Variants in PDZD2 observed in about 807,000 individuals in gnomAD.
PDZD2 encodes PDZ domain-containing protein 2.
Under a neutral mutation model 220.7 loss-of-function variants are expected in PDZD2, and 90 were observed. The ratio of observed to expected loss-of-function variants is 0.41; its 90% CI spans 0.34 to 0.49. The LOEUF (loss-of-function observed/expected upper bound fraction) is 0.49. Among genes scored for constraint, PDZD2 ranks in the 20% least tolerant of loss-of-function variants. The probability of loss-of-function intolerance (pLI) is 0.28; values close to 1 mark genes in which losing one functional copy is unlikely to be tolerated. For missense variants in PDZD2, 3,174 were observed against 3,608.5 expected (o/e 0.88, Z 3.08); for synonymous variants, 1,375 against 1,450.5 (o/e 0.95, Z 1.18).
Position 31,659,825 on chromosome 5 carries a change from C to T in PDZD2, c.-361+20388C>T, listed in dbSNP as rs575179273. Among the ~76,000 whole-genome samples the T allele has an allele frequency of 5.3e-5, 8 of 152,246 alleles. No individual in the cohort carries two copies. The South Asian group carries it at 6.2e-4, about 12-fold the overall frequency. ...GGAGGTTGTAAGTTTCCTTTTCCTGCGGCAGAGGTTGGAGGACCGATGTTA... is the reference window on the plus strand; with the variant it reads ...GGAGGTTGTAAGTTTCCTTTTCCTGTGGCAGAGGTTGGAGGACCGATGTTA... On this transcript the variant is annotated intron_variant, in intron 1 of 24. Transcript: ENST00000438447.
Position 32,089,304 on chromosome 5 carries a change from GT to G in PDZD2, c.5857del (p.Ser1953ProfsTer18). 6.2e-7 allele frequency: 1 copy of G among 1,614,018 alleles called. No homozygotes were observed. The highest frequency in any genetic ancestry group is 8.5e-7 in the Non-Finnish European group (1 of 1,179,980). ...ACAGAAACACCACAGCTGCCCCCAG[GT>G]CCCCCCAGTGTGTGCTGGAAAGCAA... ...PDRNTTAAPR[S>X]PQCVLESKPP... is the part of the protein sequence containing the mutation. On this transcript the variant is annotated frameshift_variant, in exon 20 of 25. Coordinates refer to ENST00000438447, the MANE Select transcript of PDZD2 (RefSeq NM_178140.4). LOFTEE classifies it high-confidence loss of function.
intron 14 of PDZD2, among the ~76,000 whole-genome samples, chr5:32,067,753 T>C (rs1459067918): frequency 6.6e-6 from 1 of 152,144 alleles, no homozygotes; most frequent in Non-Finnish European, 1.5e-5. Context: ...TATCAGGCTT[T>C]TTAAAAAAAT....
chr5:31,702,105 C>T (rs1189560073), intron 1 of PDZD2, among the ~76,000 whole-genome samples: 1 of 152,228 alleles, frequency 6.6e-6, no homozygotes, highest in African/African-American at 2.4e-5. Flanking sequence ...ACATCCCCAA[C>T]CCTGGCTCAT....
chr5:31,741,490 G>A (rs1737065680), intron 1 of PDZD2, among the ~76,000 whole-genome samples: 1 of 151,990 alleles, frequency 6.6e-6, no homozygotes, highest in Non-Finnish European at 1.5e-5. Flanking sequence ...GTTCTAGTCT[G>A]TGCAATAAAC....
chr5:31,883,360 A>G (rs535137572), intron 2 of PDZD2, among the ~76,000 whole-genome samples: 2 of 150,502 alleles, frequency 1.3e-5, no homozygotes, highest in East Asian at 4.0e-4. Flanking sequence ...AGCTGGGATT[A>G]CAGGTGTGTA....
At chr5:31,919,730 A>AAC (rs3037134) in intron 2 of PDZD2, among the ~76,000 whole-genome samples, 84,504 of 139,888 alleles carry the variant, frequency 0.6, 27,016 homozygotes, top group Middle Eastern at 0.74. Flanking sequence ...AAAAAAAAAA[A>AAC]GGCCAGGCAC....
chr5:32,035,503 T>G (rs780938023), intron 6 of PDZD2, among the ~76,000 whole-genome samples: 5 of 151,824 alleles, frequency 3.3e-5, no homozygotes, highest in Non-Finnish European at 7.4e-5. Flanking sequence ...TCAGGTGAAT[T>G]TTTTTTTAAG....
intron 6 of PDZD2, among the ~76,000 whole-genome samples, chr5:32,016,199 G>C (rs150092172): frequency 6.6e-6 from 1 of 152,150 alleles, no homozygotes; most frequent in Non-Finnish European, 1.5e-5. Context: ...TAGAAATGAG[G>C]CCTGTGGAAA....
intron 2 of PDZD2, among the ~76,000 whole-genome samples, chr5:31,852,535 C>G (rs536410347): frequency 2.4e-3 from 366 of 152,088 alleles, no homozygotes; most frequent in Non-Finnish European, 3.0e-3. Flanking sequence ...ATCCAACTAC[C>G]TTGGCCTCCC....
chr5:31,884,259 A>ACATACATACATACATACATC (rs923352259), intron 2 of PDZD2, among the ~76,000 whole-genome samples: 20 of 151,558 alleles, frequency 1.3e-4, no homozygotes, highest in African/African-American at 4.4e-4. Context: ...ATACATACAT[A>ACATACATACATACATACATC]CATCCTGGGT....
At chr5:31,830,366 CG>C (rs1287916475) in intron 2 of PDZD2, among the ~76,000 whole-genome samples, 3 of 140,382 alleles carry the variant, frequency 2.1e-5, no homozygotes, top group Non-Finnish European at 4.5e-5. Context: ...TTAGTAGAGA[CG>C]GGGTTTCACC....
intron 7 of PDZD2, among the ~76,000 whole-genome samples, chr5:32,046,637 CTG>C (rs1246339385): frequency 6.6e-6 from 1 of 152,126 alleles, no homozygotes; most frequent in Non-Finnish European, 1.5e-5. Context: ...AAATTTTGAA[CTG>C]TTTTTTCAAA....
chr5:31,996,422 A>T (rs527774925), intron 4 of PDZD2, among the ~76,000 whole-genome samples: 1 of 152,078 alleles, frequency 6.6e-6, no homozygotes, highest in African/African-American at 2.4e-5. Context: ...TACAAAAAAT[A>T]AAAATTAAAA....
At chr5:31,689,239 TTGTGTG>T (rs70955736) in intron 1 of PDZD2, among the ~76,000 whole-genome samples, 6 of 140,056 alleles carry the variant, frequency 4.3e-5, no homozygotes, top group South Asian at 4.6e-4. Context: ...TGGCTAATGT[TTGTGTG>T]TGTGTGTGTG....
intron 2 of PDZD2, among the ~76,000 whole-genome samples, chr5:31,953,304 T>C (rs1747348612): frequency 6.6e-6 from 1 of 152,116 alleles, no homozygotes; most frequent in Non-Finnish European, 1.5e-5. Flanking sequence ...TTGAAATAAT[T>C]GCCTAAAACT....
intron 1 of PDZD2, among the ~76,000 whole-genome samples, chr5:31,755,601 C>A: frequency 6.8e-6 from 1 of 146,052 alleles, no homozygotes. Flanking sequence ...TTTTTTTAAT[C>A]TTTAGGTGGT....
At chr5:32,003,814 C>T (rs867436041) in intron 5 of PDZD2, among the ~76,000 whole-genome samples, 1 of 152,110 alleles carries the variant, frequency 6.6e-6, no homozygotes. Context: ...CGAGTTCAAG[C>T]GATTCTCCTG....
At chr5:31,860,085 G>T (rs776280649) in intron 2 of PDZD2, among the ~76,000 whole-genome samples, 2 of 152,156 alleles carry the variant, frequency 1.3e-5, no homozygotes, top group Non-Finnish European at 1.5e-5. Flanking sequence ...AGGGGAGTTG[G>T]TTGGCTGCAG....
chr5:31,963,166 C>G (rs149284861), intron 2 of PDZD2, among the ~76,000 whole-genome samples: 18 of 152,312 alleles, frequency 1.2e-4, no homozygotes, highest in African/African-American at 4.1e-4. Context: ...GGCATTTTCT[C>G]CCAGAGCTGG....
Sources: allele counts gnomAD v4.1 joint callset (sites outside exome capture counted in the v4.1 genomes callset), GRCh38; gene constraint gnomAD v4.1.1; transcripts MANE v1.5; gene names NCBI Gene and HGNC (gene_info 2026-07-23, HGNC 2026-07-21).